The following ANK1 variants were observed in gnomAD, a reference collection of about 807,000 sequenced individuals.
The protein encoded by ANK1 is ankyrin 1.
In ANK1, 51 loss-of-function variants were observed where a neutral mutation model predicts 210.4. The ratio of observed to expected loss-of-function variants is 0.24; its 90% CI spans 0.19 to 0.31. The LOEUF is 0.31. ANK1 is among the 10% of genes least tolerant of loss of function. ANK1 has a pLI of 1.00. For missense variants in ANK1, 2,051 were observed against 2,504.4 expected, an observed-to-expected ratio of 0.82 and a Z score of 3.86; for synonymous variants, 967 against 1,025.9, an observed-to-expected ratio of 0.94 and a Z score of 1.10.
At chr8:41,843,305 G>T (rs1276703698) in intron 1 of ANK1, among the ~76,000 whole-genome samples, 1 of 152,144 alleles carries the variant, frequency 6.6e-6, no homozygotes, top group Non-Finnish European at 1.5e-5. Context: ...ATACATTGTT[G>T]TGAAGTATAG....
intron 3 of ANK1, among the ~76,000 whole-genome samples, chr8:41,729,475 C>A (rs909610554): frequency 2.6e-5 from 4 of 152,208 alleles, no homozygotes; most frequent in Non-Finnish European, 5.9e-5. Context: ...ACTGCAGCCT[C>A]CAACTCCTGG....
In ANK1 at chr8:41,791,316, C is replaced by T. The variant is rs779154195; in HGVS notation, c.27+6196G>A. ...CCTCCCGAGTAGCTGGGATTACAGG[C>T]GCCTACCACCATGCCTGGCTAATTT... On this transcript the variant is annotated intron_variant, in intron 1 of 42. Transcript: ENST00000289734. 2.1e-4 allele frequency among the ~76,000 whole-genome samples: 31 copies of T among 149,856 alleles called. 1 individual carries two copies. Among genetic ancestry groups the T allele is most frequent in the Non-Finnish European group, 8.9e-5 (6 of 67,766 alleles).
chr8:41,886,260 CCT>C (rs560931397), intron 1 of ANK1, among the ~76,000 whole-genome samples: 86 of 152,278 alleles, frequency 5.6e-4, no homozygotes, highest in Non-Finnish European at 1.0e-3. Context: ...GAGGCATTGT[CCT>C]GCCATTTACC....
intron 1 of ANK1, among the ~76,000 whole-genome samples, chr8:41,895,936 G>C (rs891460691): frequency 2.6e-5 from 4 of 151,700 alleles, no homozygotes; most frequent in African/African-American, 9.7e-5. Context: ...GCCTGCAGCC[G>C]CGTTTACCCA....
rs1265169882 is a variant in ANK1 at position 41,817,013 on chromosome 8, G to A, written c.127-58876C>T. On this transcript the variant is annotated intron_variant, in intron 1 of 42. Coordinates refer to the ANK1 transcript ENST00000265709. ...AAGAGAATAGCTGGATCTGGCAAAT[G>A]GGACCAGTGAAGTTTCCCTGCTCAG... 4.6e-5 allele frequency among the ~76,000 whole-genome samples: 7 copies of A among 152,054 alleles called. No individual in the cohort carries two copies. In the East Asian group the frequency reaches 1.2e-3, roughly 25 times the overall value.
intron 1 of ANK1, chr8:41,828,714 G>C (rs1019439556): frequency 6.5e-6 from 1 of 153,036 alleles, no homozygotes; most frequent in African/African-American, 2.4e-5. Flanking sequence ...TAATGAAACA[G>C]GAACTGCTCC....
intron 37 of ANK1, among the ~76,000 whole-genome samples, 190 bp from the exon 38 acceptor site, chr8:41,673,102 C>A (rs1812984649): frequency 6.6e-6 from 1 of 152,156 alleles, no homozygotes; most frequent in Non-Finnish European, 1.5e-5. Context: ...GCTGCCTGGG[C>A]ATCCAGGCAA....
At chr8:41,822,115 A>T (rs1804467237) in intron 1 of ANK1, among the ~76,000 whole-genome samples, 1 of 31,386 alleles carries the variant, frequency 3.2e-5, no homozygotes, top group Non-Finnish European at 7.1e-5. Flanking sequence ...AGAGAGAGAG[A>T]AAGAAAGAGA....
At chr8:41,807,130 CA>C (rs1175186774) in intron 1 of ANK1, among the ~76,000 whole-genome samples, 1 of 152,108 alleles carries the variant, frequency 6.6e-6, no homozygotes, top group Admixed American at 6.5e-5. Flanking sequence ...TATTATGTGC[CA>C]GTCATACTAC....
chr8:41,691,165 G>T (rs1819175521), intron 31 of ANK1, among the ~76,000 whole-genome samples: 1 of 152,212 alleles, frequency 6.6e-6, no homozygotes, highest in African/African-American at 2.4e-5. Context: ...GTTTAAGGCT[G>T]CAGTGGGCTA....
intron 2 of ANK1, among the ~76,000 whole-genome samples, chr8:41,752,483 A>C (rs1837944817): frequency 6.6e-6 from 1 of 152,136 alleles, no homozygotes; most frequent in Admixed American, 6.5e-5. Flanking sequence ...CCAGGCTCAA[A>C]TATCCAACTG....
At chr8:41,831,639 C>CAAAAAAAAAA (rs143137281) in intron 1 of ANK1, among the ~76,000 whole-genome samples, 4 of 58,406 alleles carry the variant, frequency 6.8e-5, no homozygotes, top group African/African-American at 1.2e-4. Flanking sequence ...AAAAGTCTGT[C>CAAAAAAAAAA]AAAAAAAAAA....
intron 3 of ANK1, among the ~76,000 whole-genome samples, chr8:41,732,516 G>A (rs1314043988): frequency 2.0e-5 from 3 of 152,062 alleles, no homozygotes; most frequent in African/African-American, 4.8e-5. Flanking sequence ...GGGTTCAAGC[G>A]ATTCTCCTGC....
upstream of ANK1, among the ~76,000 whole-genome samples, chr8:41,799,274 G>C (rs879496543): frequency 3.3e-5 from 5 of 152,198 alleles, no homozygotes; most frequent in African/African-American, 1.2e-4. Context: ...CCGAAGGACA[G>C]ATGATCTCAC....
chr8:41,826,536 G>A lies in ANK1; in HGVS notation c.127-68399C>T, dbSNP rs181029240. On this transcript the variant is annotated intron_variant, in intron 1 of 42. Coordinates refer to the ANK1 transcript ENST00000265709. Reference sequence around the variant, plus strand: ...CTCACTGTGTGCTGAGCGTCCCACCGTCCCACCAGCACCTCAGCCGGCCCT... The same window carrying A: ...CTCACTGTGTGCTGAGCGTCCCACCATCCCACCAGCACCTCAGCCGGCCCT... Among the ~76,000 whole-genome samples the A allele has an allele frequency of 3.7e-3, 566 of 152,210 alleles. 4 individuals are homozygous for A. The highest frequency in any genetic ancestry group is 0.013 in the African/African-American group (528 of 41,512).
chr8:41,661,453 G>C lies in ANK1; in HGVS notation c.*13C>G. ...ACCTCCCGAGAGGCTACTCCAAGGA[G>C]AGCGGCTCGGGGTCACTGTTTCCCC... On this transcript the variant is annotated 3_prime_UTR_variant, in exon 42 of 43. Transcript: ENST00000289734. 6 of 1,614,108 alleles carry C rather than the reference G, an allele frequency of 3.7e-6. No homozygotes were observed. The highest frequency in any genetic ancestry group is 4.2e-6 in the Non-Finnish European group (5 of 1,180,042).
At chr8:41,840,105 A>C (rs988577098) in intron 1 of ANK1, 1 of 151,918 alleles carries the variant, frequency 6.6e-6, no homozygotes, top group African/African-American at 2.4e-5. Flanking sequence ...CGCAGTGGCT[A>C]TTCACAAGCA....
intron 1 of ANK1, among the ~76,000 whole-genome samples, chr8:41,759,323 T>C (rs1171856996): frequency 6.6e-6 from 1 of 152,142 alleles, no homozygotes; most frequent in Non-Finnish European, 1.5e-5. Flanking sequence ...CTGGCCACCA[T>C]GGTGAAACCC....
At chr8:41,842,335 T>G (rs1485245144) in intron 1 of ANK1, among the ~76,000 whole-genome samples, 2 of 151,844 alleles carry the variant, frequency 1.3e-5, no homozygotes, top group African/African-American at 2.4e-5. Context: ...CTACTAAAAA[T>G]ACAAAAAATT....
Sources: allele counts gnomAD v4.1 joint callset (sites outside exome capture counted in the v4.1 genomes callset), GRCh38; gene constraint gnomAD v4.1.1; transcripts MANE v1.5; gene names NCBI Gene and HGNC (gene_info 2026-07-23, HGNC 2026-07-21).